Variants in AFAP1 observed in about 807,000 individuals in gnomAD.
AFAP1 encodes actin filament associated protein 1.
In AFAP1, 75 loss-of-function variants were observed where a neutral mutation model predicts 93.9. The observed-to-expected ratio is 0.80, with a 90% CI of 0.66 to 0.97. The LOEUF (loss-of-function observed/expected upper bound fraction) is 0.97. AFAP1 is among the 50% of genes least tolerant of loss of function. The pLI is 0.00. For missense variants in AFAP1, 1,201 were observed against 1,050.8 expected, an observed-to-expected ratio of 1.14 and a Z score of -1.98; for synonymous variants, 517 against 430.7, an observed-to-expected ratio of 1.20 and a Z score of -2.48.
intron 4 of AFAP1, among the ~76,000 whole-genome samples, chr4:7,853,541 G>C (rs780225907): frequency 3.3e-5 from 5 of 152,094 alleles, no homozygotes; most frequent in Non-Finnish European, 7.4e-5. Flanking sequence ...CTTTCTTCCC[G>C]GCTGCCGGCC....
chr4:7,874,332 T>G (rs1303536419), intron 1 of AFAP1, among the ~76,000 whole-genome samples: 1 of 150,250 alleles, frequency 6.7e-6, no homozygotes, highest in African/African-American at 2.4e-5. Flanking sequence ...ACTACCTATC[T>G]GTGGGAGGTC....
At chr4:7,853,360 G>C (rs1239510197) in intron 4 of AFAP1, among the ~76,000 whole-genome samples, 1 of 152,108 alleles carries the variant, frequency 6.6e-6, no homozygotes, top group Admixed American at 6.5e-5. Context: ...GTGGCCCTGA[G>C]AGAAATCTGG....
chr4:7,892,938 G>A (rs896558612), intron 1 of AFAP1, among the ~76,000 whole-genome samples: 5 of 152,074 alleles, frequency 3.3e-5, no homozygotes, highest in Non-Finnish European at 7.4e-5. Flanking sequence ...ACCATCAAGA[G>A]AACATCAAAA....
intron 1 of AFAP1, among the ~76,000 whole-genome samples, chr4:7,890,273 T>G (rs1718386895): frequency 1.3e-5 from 2 of 151,984 alleles, no homozygotes; most frequent in Non-Finnish European, 2.9e-5. Flanking sequence ...GATAATGCAA[T>G]GGGGAAAAAA....
At chr4:7,879,757 A>G (rs905491989) in intron 1 of AFAP1, among the ~76,000 whole-genome samples, 1 of 138,904 alleles carries the variant, frequency 7.2e-6, no homozygotes. Context: ...GCTGGAGTGC[A>G]GTGATGCGAT....
chr4:7,899,735 A>G (rs1194340535), intron 1 of AFAP1, among the ~76,000 whole-genome samples: 1 of 152,194 alleles, frequency 6.6e-6, no homozygotes, highest in Non-Finnish European at 1.5e-5. Flanking sequence ...AGACAGCAGA[A>G]GAATAACAAA....
Position 7,939,428 on chromosome 4 carries a change from G to A in AFAP1, c.-3+228C>T. 1 of 298,970 alleles carries A rather than the reference G, an allele frequency of 3.3e-6. No homozygotes were observed. 18.5% of individuals were successfully genotyped at this position (298,970 alleles called of 1,614,324 possible). A position where few individuals can be genotyped will look rare whatever the true frequency, so the allele number is the denominator to read the frequency against. ...CGCAGTCCCCTCCGGGCAGACGCGGGGAGCTGGGGAGCAGTGGGGACCGGC... is the reference window on the plus strand; with the variant it reads ...CGCAGTCCCCTCCGGGCAGACGCGGAGAGCTGGGGAGCAGTGGGGACCGGC... On this transcript the variant is annotated intron_variant, in intron 1 of 17. Transcript: ENST00000420658. The surrounding 1 kb of genome is among the most constrained non-coding windows in gnomAD (Gnocchi z 5.6).
chr4:7,775,240 C>G (rs558527535), intron 14 of AFAP1: 1 of 209,602 alleles, frequency 4.8e-6, no homozygotes, highest in South Asian at 1.2e-4. Flanking sequence ...TTTGCTAATT[C>G]AACAAGAAAA....
intron 6 of AFAP1, among the ~76,000 whole-genome samples, chr4:7,835,818 C>T (rs1197529134): frequency 1.3e-5 from 2 of 148,388 alleles, no homozygotes; most frequent in African/African-American, 5.0e-5. Flanking sequence ...ACCTGGGTGG[C>T]TCTTGAATGG....
At chr4:7,772,337 C>G (rs6828858) in intron 16 of AFAP1, 128,312 of 153,296 alleles carry the variant, frequency 0.84, 53,918 homozygotes, top group African/African-American at 0.91. Flanking sequence ...AGCCGAATGA[C>G]TGAAGAGGAA....
chr4:7,808,679 GTGT>G (rs980354948), intron 9 of AFAP1, among the ~76,000 whole-genome samples: 2 of 152,230 alleles, frequency 1.3e-5, no homozygotes, highest in Non-Finnish European at 2.9e-5. Flanking sequence ...GTGATCCCCA[GTGT>G]GGGGGGCTGG....
chr4:7,769,104 T>C (rs1338598407), intron 16 of AFAP1, 96 bp from the exon 17 acceptor site: 3 of 1,456,896 alleles, frequency 2.1e-6, no homozygotes, highest in East Asian at 2.4e-5. Flanking sequence ...GAAATAAGTT[T>C]TGGAAATGGG....
chr4:7,848,732 C>A (rs376085109), intron 4 of AFAP1, among the ~76,000 whole-genome samples: 73 of 152,268 alleles, frequency 4.8e-4, no homozygotes, highest in South Asian at 2.5e-3. Context: ...AATAATGCTT[C>A]ACCAGTTCCC....
At chr4:7,859,898 A>G (rs1383487330) in intron 3 of AFAP1, among the ~76,000 whole-genome samples, 2 of 152,140 alleles carry the variant, frequency 1.3e-5, no homozygotes, top group African/African-American at 4.8e-5. Context: ...CAATAATAAT[A>G]AAAATAGCCA....
chr4:7,766,060 T>C (rs1333062734), intron 17 of AFAP1, among the ~76,000 whole-genome samples: 1 of 152,116 alleles, frequency 6.6e-6, no homozygotes, highest in Non-Finnish European at 1.5e-5. Context: ...ATTTCTCACT[T>C]TGTCTAAATC....
At chr4:7,771,295 G>GATCA (rs908481249) in intron 16 of AFAP1, among the ~76,000 whole-genome samples, 3 of 98,718 alleles carry the variant, frequency 3.0e-5, no homozygotes, top group African/African-American at 1.9e-4. Flanking sequence ...GAGGTGGGAG[G>GATCA]ATCACCTGAG....
intron 1 of AFAP1, among the ~76,000 whole-genome samples, chr4:7,878,255 G>A (rs867518061): frequency 5.3e-5 from 8 of 152,284 alleles, no homozygotes; most frequent in Middle Eastern, 3.4e-3. Context: ...CTGGTCTGTG[G>A]ACACGCAGCA....
At chr4:7,868,910 A>G (rs1354363614) in intron 2 of AFAP1, among the ~76,000 whole-genome samples, 191 bp from the exon 3 acceptor site, 3 of 152,150 alleles carry the variant, frequency 2.0e-5, no homozygotes, top group Non-Finnish European at 4.4e-5. Context: ...GACAGCTTAA[A>G]TAAAGTGAAA....
chr4:7,812,614 C>T (rs986986765), intron 8 of AFAP1, among the ~76,000 whole-genome samples: 5 of 152,094 alleles, frequency 3.3e-5, no homozygotes, highest in Admixed American at 6.5e-5. Context: ...CGCTCAGCCC[C>T]CTGCAGCTAG....
Sources: allele counts gnomAD v4.1 joint callset (sites outside exome capture counted in the v4.1 genomes callset), GRCh38; gene constraint gnomAD v4.1.1; non-coding constraint Gnocchi (gnomAD v3.1); transcripts MANE v1.5; gene names NCBI Gene and HGNC (gene_info 2026-07-23, HGNC 2026-07-21).